Variants in FARS2 observed in about 807,000 individuals in gnomAD.
FARS2 encodes the protein phenylalanyl-tRNA synthetase 2, mitochondrial.
In FARS2, 40 loss-of-function variants were observed where a neutral mutation model predicts 46.4. That is an observed-to-expected ratio of 0.86 (90% CI 0.67 to 1.12). The LOEUF (loss-of-function observed/expected upper bound fraction) is 1.12, where lower values mean the gene tolerates loss of function less well. Ranked by LOEUF, FARS2 falls within the 50% of genes most tolerant of loss-of-function variation. The pLI, the probability that FARS2 is intolerant of heterozygous loss-of-function variation, is 0.00. For synonymous variants in FARS2, 234 were observed against 214.9 expected, an observed-to-expected ratio of 1.09 and a Z score of -0.78; for missense variants, 513 against 567.9, an observed-to-expected ratio of 0.90 and a Z score of 0.98.
intron 1 of FARS2, among the ~76,000 whole-genome samples, chr6:5,306,609 A>C (rs1188422112): frequency 1.3e-5 from 2 of 152,202 alleles, no homozygotes; most frequent in Non-Finnish European, 2.9e-5. Context: ...TATTTTATGC[A>C]CGCTGCTGGA....
At chr6:5,451,204 A>G (rs778139565) in intron 4 of FARS2, among the ~76,000 whole-genome samples, 6 of 152,110 alleles carry the variant, frequency 3.9e-5, no homozygotes, top group Admixed American at 1.3e-4. Flanking sequence ...CTTCAGGTAT[A>G]GGGAAATAAA....
chr6:5,723,239 TATAAAA>T (rs1377294467), intron 6 of FARS2, among the ~76,000 whole-genome samples: 1 of 152,172 alleles, frequency 6.6e-6, no homozygotes, highest in African/African-American at 2.4e-5. Context: ...CTGGGTTTGA[TATAAAA>T]AGAGAATAAG....
At chr6:5,329,952 G>C (rs1770679538) in intron 1 of FARS2, among the ~76,000 whole-genome samples, 1 of 152,154 alleles carries the variant, frequency 6.6e-6, no homozygotes, top group Non-Finnish European at 1.5e-5. Context: ...TTAATCTCCA[G>C]CTCCTTTCCC....
chr6:5,305,852 G>A (rs1581739841), intron 1 of FARS2, among the ~76,000 whole-genome samples: 1 of 152,182 alleles, frequency 6.6e-6, no homozygotes, highest in East Asian at 1.9e-4. Context: ...TAGAGATTGT[G>A]GCCTTGAGGC....
rs960051004 is a variant in FARS2 at position 5,765,130 on chromosome 6, A to G, written c.1218-6161A>G. On this transcript the variant is annotated intron_variant, in intron 6 of 6. Transcript: ENST00000274680. This position sits in a 1 kb window ranked among gnomAD's most constrained non-coding sequence, Gnocchi z 4.0. ...GGGCTCTGGTAGGAGGCGGCATTGA[A>G]ATATGCCATCCCCTCCCTGCTGTTG... 6.6e-6 allele frequency among the ~76,000 whole-genome samples: 1 copy of G among 152,198 alleles called. No individual in the cohort carries two copies. Among genetic ancestry groups the G allele is most frequent in the Non-Finnish European group, 1.5e-5 (1 of 68,040 alleles).
intron 1 of FARS2, among the ~76,000 whole-genome samples, chr6:5,359,080 C>T (rs1758134651): frequency 7.6e-6 from 1 of 131,008 alleles, no homozygotes; most frequent in South Asian, 2.6e-4. Flanking sequence ...TGCTCTGTCA[C>T]CCAGGCTGGA....
At chr6:5,349,823 G>A (rs993630644) in intron 1 of FARS2, among the ~76,000 whole-genome samples, 1 of 150,622 alleles carries the variant, frequency 6.6e-6, no homozygotes, top group Non-Finnish European at 1.5e-5. Context: ...GTGTTTAGTA[G>A]AATGTCTGTC....
chr6:5,459,720 C>A (rs142061462), intron 4 of FARS2, among the ~76,000 whole-genome samples: 6 of 152,288 alleles, frequency 3.9e-5, no homozygotes, highest in South Asian at 2.1e-4. Flanking sequence ...GGAGTCAAAT[C>A]ATTCTGCAAA....
chr6:5,444,788 G>T (rs1225238925), intron 4 of FARS2, among the ~76,000 whole-genome samples: 10 of 152,112 alleles, frequency 6.6e-5, no homozygotes, highest in Non-Finnish European at 1.2e-4. Flanking sequence ...AATGGGGCGG[G>T]GGGGAACTGA....
chr6:5,291,730 T>C (rs1004326167), intron 1 of FARS2, among the ~76,000 whole-genome samples: 5 of 151,674 alleles, frequency 3.3e-5, no homozygotes, highest in Non-Finnish European at 7.4e-5. Flanking sequence ...TGCAAGCCAG[T>C]ATGGACAACA....
chr6:5,270,653 A>G (rs1765879548), intron 1 of FARS2, among the ~76,000 whole-genome samples: 1 of 152,248 alleles, frequency 6.6e-6, no homozygotes, highest in Non-Finnish European at 1.5e-5. Context: ...ACCACACTAT[A>G]GACAGTAATT....
chr6:5,269,798 G>T (rs2127821728), intron 1 of FARS2, among the ~76,000 whole-genome samples: 1 of 152,318 alleles, frequency 6.6e-6, no homozygotes, highest in Non-Finnish European at 1.5e-5. Context: ...ACATATCGTT[G>T]ATAGTATACT....
chr6:5,676,559 A>G (rs1017764612), intron 6 of FARS2, among the ~76,000 whole-genome samples: 6 of 152,252 alleles, frequency 3.9e-5, no homozygotes, highest in Non-Finnish European at 8.8e-5. Context: ...TGTCACATGA[A>G]GGTGGACTGT....
chr6:5,666,662 T>A (rs1778138040), intron 6 of FARS2, among the ~76,000 whole-genome samples: 1 of 152,292 alleles, frequency 6.6e-6, no homozygotes, highest in South Asian at 2.1e-4. Flanking sequence ...GAAAACAGTG[T>A]GGCAGTTCCT....
chr6:5,713,147 C>T (rs1759286100), intron 6 of FARS2, among the ~76,000 whole-genome samples: 1 of 152,178 alleles, frequency 6.6e-6, no homozygotes, highest in Non-Finnish European at 1.5e-5. Context: ...TAAACTTTTA[C>T]TCTCTTTAAC....
At chr6:5,502,191 A>G (rs931152236) in intron 4 of FARS2, among the ~76,000 whole-genome samples, 1 of 152,234 alleles carries the variant, frequency 6.6e-6, no homozygotes, top group African/African-American at 2.4e-5. Context: ...TAGCTTGCAA[A>G]GTGCAGGAGC....
rs771506886 is a variant in FARS2 at position 5,709,671 on chromosome 6, GGTGTGTGT to G, written c.1218-61600_1218-61593del. 7.0e-4 allele frequency among the ~76,000 whole-genome samples: 68 copies of G among 97,220 alleles called. 1 individual carries two copies. The highest frequency in any genetic ancestry group is 1.6e-3 in the African/African-American group (46 of 28,480). The allele number at this position is 97,220 out of a possible 152,430, so 63.8% of individuals were successfully genotyped here. On this transcript the variant is annotated intron_variant, in intron 6 of 6. Coordinates refer to ENST00000274680, the MANE Select transcript of FARS2 (RefSeq NM_006567.5). ...TGGTCCCCTGTTGATGTTCCAAGAG[GGTGTGTGT>G]GTGTGTGTGTGTGTGTGTGCGCATG...
At chr6:5,544,966 G>A (rs924950562) in intron 4 of FARS2, among the ~76,000 whole-genome samples, 3 of 152,162 alleles carry the variant, frequency 2.0e-5, no homozygotes, top group South Asian at 2.1e-4. Flanking sequence ...CAGACAGTAT[G>A]ACTTCAGAAT....
intron 1 of FARS2, among the ~76,000 whole-genome samples, chr6:5,317,678 G>A (rs573770489): frequency 7.2e-5 from 11 of 151,992 alleles, no homozygotes; most frequent in Non-Finnish European, 1.5e-4. Context: ...TACTCGGAGG[G>A]CGGAGGCGGG....
Sources: allele counts gnomAD v4.1 joint callset (sites outside exome capture counted in the v4.1 genomes callset), GRCh38; gene constraint gnomAD v4.1.1; non-coding constraint Gnocchi (gnomAD v3.1); transcripts MANE v1.5; gene names NCBI Gene and HGNC (gene_info 2026-07-23, HGNC 2026-07-21).